The following SSH1 variants were observed in gnomAD, a reference collection of about 807,000 sequenced individuals.
SSH1 encodes the protein slingshot protein phosphatase 1, also known as protein phosphatase Slingshot homolog 1.
SSH1 carries 43 observed loss-of-function variants against 79.7 expected under a neutral mutation model. The observed-to-expected ratio is 0.54, with a 90% CI of 0.42 to 0.70. The LOEUF is 0.70. Ranked by LOEUF, SSH1 falls within the 30% of genes least tolerant of loss-of-function variation. The pLI is 0.00. For missense variants in SSH1, 1,206 were observed against 1,358.8 expected (o/e 0.89, Z 1.77); for synonymous variants, 599 against 538.3 (o/e 1.11, Z -1.56).
intron 10 of SSH1, among the ~76,000 whole-genome samples, chr12:108,804,627 T>C (rs2037183915): frequency 6.6e-6 from 1 of 152,186 alleles, no homozygotes; most frequent in African/African-American, 2.4e-5. Context: ...CTCCCTGTTG[T>C]TTCTCATGTC....
intron 1 of SSH1, chr12:108,852,902 C>T: frequency 3.0e-6 from 3 of 985,448 alleles, no homozygotes; most frequent in Non-Finnish European, 3.6e-6. Flanking sequence ...CACATTCCTG[C>T]CGCAGTCCAG....
intron 5 of SSH1, 91 bp from the exon 6 acceptor site, chr12:108,811,419 G>A (rs1011126590): frequency 2.2e-5 from 26 of 1,162,212 alleles, no homozygotes; most frequent in Non-Finnish European, 3.2e-5. Flanking sequence ...AGGACGGGCT[G>A]TTGGACGTAC....
chr12:108,805,291 G>GGGTGTT, intron 9 of SSH1, 107 bp from the exon 10 acceptor site: 1 of 1,318,164 alleles, frequency 7.6e-7, no homozygotes, highest in Non-Finnish European at 1.1e-6. Flanking sequence ...CAAAAAAGGT[G>GGGTGTT]GGTGTTTTTT....
chr12:108,782,500 C>T lies in SSH1; in HGVS notation c.*5488G>A, dbSNP rs1016150737. 5.9e-5 allele frequency: 9 copies of T among 152,060 alleles called. No individual in the cohort carries two copies. Among genetic ancestry groups the T allele is most frequent in the African/African-American group, 1.7e-4 (7 of 41,390 alleles). The allele number at this position is 152,060 out of a possible 1,614,324, so 9.4% of individuals were successfully genotyped here. ...AATTAGAAAGAAAACAGACTAGTTC[C>T]AGGAGGAACTATCATTTCTTCCTGT... On this transcript the variant is annotated 3_prime_UTR_variant, in exon 15 of 15. Coordinates refer to ENST00000326495, the MANE Select transcript of SSH1 (RefSeq NM_018984.4).
At chr12:108,821,763 A>G (rs1334912558) in intron 3 of SSH1, among the ~76,000 whole-genome samples, 5 of 152,200 alleles carry the variant, frequency 3.3e-5, no homozygotes, top group Admixed American at 3.3e-4. Context: ...AATATCATCA[A>G]CATCAGTATG....
intron 2 of SSH1, chr12:108,833,947 T>C (rs376040731): frequency 7.2e-5 from 11 of 152,362 alleles, no homozygotes; most frequent in Admixed American, 3.9e-4. Flanking sequence ...CCGCTAACCA[T>C]TGCTCTCATG....
At chr12:108,842,927 A>C (rs1449166714) in intron 2 of SSH1, among the ~76,000 whole-genome samples, 1 of 152,194 alleles carries the variant, frequency 6.6e-6, no homozygotes, top group East Asian at 1.9e-4. Flanking sequence ...TAACTGAAAT[A>C]ATGCACACAA....
intron 2 of SSH1, among the ~76,000 whole-genome samples, chr12:108,845,601 C>A (rs1430150597): frequency 6.6e-6 from 1 of 152,138 alleles, no homozygotes; most frequent in Non-Finnish European, 1.5e-5. Context: ...GCAGGAGAAT[C>A]GCTTGAACCC....
intron 3 of SSH1, among the ~76,000 whole-genome samples, chr12:108,818,932 A>G (rs2038009120): frequency 1.3e-5 from 2 of 152,036 alleles, no homozygotes; most frequent in South Asian, 4.1e-4. Flanking sequence ...TTTTGTATTT[A>G]TAGTAGAGAT....
In SSH1 at chr12:108,807,698, G is replaced by T; in HGVS notation, c.666C>A (p.Asn222Lys). The part of the protein sequence containing the change: ...SCISSEQSCI[N>K]EWNAMQDLES... ...CCAGGTCCTGCATGGCGTTCCACTC[G>T]TTGATGCAGCTCTGCTCGGAGCTGA... is the stretch of plus-strand genomic sequence containing the variant. Residue 222 changes from asparagine to lysine, a missense_variant, in exon 8 of 15, where the codon AAC becomes AAA. Asn to Lys is a moderately conservative substitution (Grantham distance 94). This residue lies in a region of SSH1 where 116 missense variants were observed against 109.0 expected (regional missense o/e 1.06). Transcript: ENST00000326495. This position sits in a 1 kb window ranked among gnomAD's most constrained non-coding sequence, Gnocchi z 5.2. 1.2e-6 allele frequency: 2 copies of T among 1,613,362 alleles called. No individual in the cohort carries two copies. The highest frequency in any genetic ancestry group is 2.7e-5 in the African/African-American group (2 of 74,928).
At chr12:108,828,238 G>A (rs796938143) in intron 2 of SSH1, among the ~76,000 whole-genome samples, 21 of 152,150 alleles carry the variant, frequency 1.4e-4, no homozygotes, top group Admixed American at 5.9e-4. Flanking sequence ...CTCTTCCCTC[G>A]GCTCACAAGT....
chr12:108,817,181 C>G (rs751829023), intron 4 of SSH1, 22 bp from the exon 5 acceptor site: 1 of 1,612,838 alleles, frequency 6.2e-7, no homozygotes, highest in Non-Finnish European at 8.5e-7. Flanking sequence ...CAGACATGCT[C>G]TCACTAACCT....
At chr12:108,796,088 G>A (rs983259739) in intron 13 of SSH1, among the ~76,000 whole-genome samples, 2 of 151,930 alleles carry the variant, frequency 1.3e-5, no homozygotes, top group African/African-American at 4.8e-5. Context: ...GCTAATTCTT[G>A]TATTTTTAGT....
At chr12:108,828,095 C>A (rs1336160170) in intron 2 of SSH1, among the ~76,000 whole-genome samples, 1 of 152,080 alleles carries the variant, frequency 6.6e-6, no homozygotes, top group Non-Finnish European at 1.5e-5. Context: ...ATGTGAATAA[C>A]CATGACGCAG....
chr12:108,791,934 AATTAT>A (rs2036519503), intron 14 of SSH1: 1 of 1,306,384 alleles, frequency 7.7e-7, no homozygotes, highest in Admixed American at 3.6e-5. Context: ...TTGGCTGATA[AATTAT>A]ATGTTTTAAT....
intron 2 of SSH1, among the ~76,000 whole-genome samples, chr12:108,829,138 G>A (rs1171563069): frequency 6.6e-6 from 1 of 152,092 alleles, no homozygotes. Flanking sequence ...GACTAGCATG[G>A]TCAACATGGC....
At chr12:108,795,879 CT>C (rs1304956811) in intron 13 of SSH1, among the ~76,000 whole-genome samples, 2 of 151,996 alleles carry the variant, frequency 1.3e-5, no homozygotes, top group African/African-American at 4.8e-5. Context: ...ACCCTGACCT[CT>C]TTTTATTTAT....
rs1309261423 is a variant in SSH1, at chr12:108,818,123, AG to A, written c.279+125del. ...TGAGGTGGGAAGATTGCTTGAACCC[AG>A]GAGTTTGAGGCTGTAGTGAGCTAAG... is the stretch of plus-strand genomic sequence containing the variant. On this transcript the variant is annotated intron_variant, in intron 4 of 14. Coordinates refer to ENST00000326495, the MANE Select transcript of SSH1 (RefSeq NM_018984.4). The A allele has an allele frequency of 1.7e-4, 131 of 766,778 alleles. 4 individuals carry two copies. The highest frequency in any genetic ancestry group is 1.3e-3 in the South Asian group (90 of 70,136). The allele number at this position is 766,778 out of a possible 1,614,324, so 47.5% of individuals were successfully genotyped here. A position where few individuals can be genotyped will look rare whatever the true frequency, so the allele number is the denominator to read the frequency against.
At chr12:108,798,733 C>A (rs35332982) in intron 13 of SSH1, among the ~76,000 whole-genome samples, 5 of 152,254 alleles carry the variant, frequency 3.3e-5, no homozygotes, top group African/African-American at 1.2e-4. Flanking sequence ...GGCTTAGAAC[C>A]TAGGCACCGT....
Sources: gnomAD v4.1 joint callset for allele counts (sites outside exome capture counted in the v4.1 genomes callset) on GRCh38, gnomAD v4.1.1 for gene constraint, gnomAD v4.1.1 regional missense constraint, Gnocchi (gnomAD v3.1) non-coding constraint, MANE v1.5 for transcripts, NCBI Gene and HGNC (gene_info 2026-07-23, HGNC 2026-07-21) for gene names.